The following RGS6 variants were observed in gnomAD, a reference collection of about 807,000 sequenced individuals.
RGS6 encodes the protein regulator of G-protein signaling 6.
Under a neutral mutation model 78.5 loss-of-function variants are expected in RGS6, and 30 were observed. The ratio of observed to expected loss-of-function variants is 0.38; its 90% CI spans 0.29 to 0.52. The LOEUF (loss-of-function observed/expected upper bound fraction) is 0.52, where lower values mean the gene tolerates loss of function less well. Ranked by LOEUF, RGS6 falls within the 20% of genes least tolerant of loss-of-function variation. RGS6 has a pLI of 0.85. For missense variants in RGS6, 495 were observed against 609.7 expected (o/e 0.81, Z 1.98); for synonymous variants, 206 against 206.0 (o/e 1.00, Z 0.00).
intron 12 of RGS6, among the ~76,000 whole-genome samples, chr14:72,489,676 C>A (rs2096550447): frequency 6.6e-6 from 1 of 152,016 alleles, no homozygotes; most frequent in South Asian, 2.1e-4. Context: ...CAAGCCAAGG[C>A]ATGCCTGGAG....
At chr14:72,602,616 A>G in the RGS6 span, among the ~76,000 whole-genome samples, 38 of 152,360 alleles carry the variant, frequency 2.5e-4, 1 homozygote, top group African/African-American at 6.7e-4. Context: ...CCATTTGGCA[A>G]ACGGATCACC....
chr14:72,462,705 G>GGA (rs139399675), intron 6 of RGS6, among the ~76,000 whole-genome samples: 2,240 of 152,296 alleles, frequency 0.015, 17 homozygotes, highest in Non-Finnish European at 0.023. Context: ...ATGTCATAGA[G>GGA]GAAACTCTGC....
intron 2 of RGS6, among the ~76,000 whole-genome samples, chr14:72,195,855 A>G (rs1179587374): frequency 6.6e-6 from 1 of 152,374 alleles, no homozygotes; most frequent in Admixed American, 6.5e-5. Flanking sequence ...AAGAATTAAT[A>G]TTATTCTCCA....
chr14:72,117,720 G>A (rs1434487125), intron 2 of RGS6, among the ~76,000 whole-genome samples: 1 of 152,160 alleles, frequency 6.6e-6, no homozygotes, highest in South Asian at 2.1e-4. Flanking sequence ...GCTACTCAGG[G>A]CAGTCATGGG....
chr14:72,615,091 G>A, the RGS6 span, among the ~76,000 whole-genome samples: 9 of 152,314 alleles, frequency 5.9e-5, no homozygotes, highest in East Asian at 1.4e-3. Flanking sequence ...TGAGACATGG[G>A]GACCCCCTGA....
intron 7 of RGS6, among the ~76,000 whole-genome samples, chr14:72,468,633 A>G (rs931134973): frequency 6.6e-6 from 1 of 152,174 alleles, no homozygotes; most frequent in African/African-American, 2.4e-5. Context: ...GAATCATAAC[A>G]TAAACATTCT....
At chr14:72,361,902 G>A (rs986518275) in intron 3 of RGS6, among the ~76,000 whole-genome samples, 1 of 152,144 alleles carries the variant, frequency 6.6e-6, no homozygotes, top group African/African-American at 2.4e-5. Context: ...TTATCTACCT[G>A]TAAACCCCAT....
intron 2 of RGS6, among the ~76,000 whole-genome samples, chr14:72,100,910 A>G (rs996232532): frequency 1.3e-5 from 2 of 152,136 alleles, no homozygotes; most frequent in African/African-American, 4.8e-5. Context: ...TGTAATCCCA[A>G]TACTTTGGGA....
chr14:72,383,675 A>G (rs1308193763), intron 3 of RGS6, among the ~76,000 whole-genome samples: 4 of 152,174 alleles, frequency 2.6e-5, no homozygotes, highest in Non-Finnish European at 4.4e-5. Context: ...CTTCATCTTC[A>G]GTACTAATTT....
chr14:71,917,892 G>A, the RGS6 span, among the ~76,000 whole-genome samples: 3 of 152,154 alleles, frequency 2.0e-5, no homozygotes, highest in Admixed American at 6.5e-5. Flanking sequence ...TAAGCTTCTC[G>A]GCCGGGCGCG....
rs2153559585 is a variant in RGS6, at chr14:72,565,919, G to A, written c.*3452G>A. ...TCCTTTGGGCCCTGCAGAATGTATTGGAGGGAGGTGTTGCTGCAAGGTCCA... is the reference window on the plus strand; with the variant it reads ...TCCTTTGGGCCCTGCAGAATGTATTAGAGGGAGGTGTTGCTGCAAGGTCCA... On this transcript the variant is annotated 3_prime_UTR_variant, in exon 18 of 18. Transcript: ENST00000553525. The A allele has an allele frequency of 6.6e-6, 1 of 152,276 alleles. No homozygotes were observed. The highest frequency in any genetic ancestry group is 1.9e-4 in the East Asian group (1 of 5,178). The allele number at this position is 152,276 out of a possible 1,614,324, so 9.4% of individuals were successfully genotyped here.
At chr14:72,442,064 C>A (rs550142351) in intron 3 of RGS6, among the ~76,000 whole-genome samples, 1 of 152,164 alleles carries the variant, frequency 6.6e-6, no homozygotes, top group Non-Finnish European at 1.5e-5. Flanking sequence ...GGAGATCAGT[C>A]CTCACCAACG....
At chr14:72,281,084 G>A (rs7143881) in intron 2 of RGS6, among the ~76,000 whole-genome samples, 10 of 150,708 alleles carry the variant, frequency 6.6e-5, no homozygotes, top group Middle Eastern at 3.5e-3. Flanking sequence ...TAGTTATGCT[G>A]TATTAACGGA....
chr14:72,418,415 C>T (rs2093970999), intron 3 of RGS6, among the ~76,000 whole-genome samples: 1 of 152,172 alleles, frequency 6.6e-6, no homozygotes, highest in Non-Finnish European at 1.5e-5. Context: ...AATCCACTTA[C>T]CTTGGCCTCC....
At chr14:72,063,798 G>C (rs2094005049) in intron 2 of RGS6, among the ~76,000 whole-genome samples, 1 of 151,936 alleles carries the variant, frequency 6.6e-6, no homozygotes, top group African/African-American at 2.4e-5. Flanking sequence ...ACACTTATGG[G>C]AAGATACTGT....
chr14:71,874,267 T>C, the RGS6 span, among the ~76,000 whole-genome samples: 3 of 152,108 alleles, frequency 2.0e-5, no homozygotes, highest in Admixed American at 6.6e-5. Context: ...ATTCTTCCTA[T>C]CCATGAGCAT....
chr14:71,909,515 G>A, the RGS6 span, among the ~76,000 whole-genome samples: 15 of 151,624 alleles, frequency 9.9e-5, no homozygotes, highest in Non-Finnish European at 1.9e-4. Flanking sequence ...TAAGGACAGA[G>A]GGTGTGGGGA....
chr14:72,236,161 G>A (rs2050959150), intron 2 of RGS6, among the ~76,000 whole-genome samples: 1 of 152,134 alleles, frequency 6.6e-6, no homozygotes, highest in Non-Finnish European at 1.5e-5. Flanking sequence ...ATTCTATTAG[G>A]ATCATTTTCA....
intron 2 of RGS6, among the ~76,000 whole-genome samples, chr14:72,055,307 C>G (rs909096732): frequency 1.3e-5 from 2 of 148,964 alleles, no homozygotes; most frequent in Non-Finnish European, 3.0e-5. Flanking sequence ...TATTTTCAGA[C>G]ATCAATTTTT....
Sources: allele counts gnomAD v4.1 joint callset (sites outside exome capture counted in the v4.1 genomes callset), GRCh38; gene constraint gnomAD v4.1.1; transcripts MANE v1.5; gene names NCBI Gene and HGNC (gene_info 2026-07-23, HGNC 2026-07-21).